The following COG8 variants were observed in gnomAD, a reference collection of about 807,000 sequenced individuals.
The protein encoded by COG8 is conserved oligomeric Golgi complex subunit 8.
In COG8, 45 loss-of-function variants were observed where a neutral mutation model predicts 46.5. That is an observed-to-expected ratio of 0.97 (90% CI 0.76 to 1.24). COG8 has a LOEUF of 1.24. COG8 is among the 50% of genes most tolerant of loss of function. COG8 has a pLI of 0.00. For missense variants in COG8, 793 were observed against 820.8 expected (o/e 0.97, Z 0.41); for synonymous variants, 407 against 347.8 (o/e 1.17, Z -1.90).
rs943174072 is a variant in COG8 at position 69,334,660 on chromosome 16, G to A, written c.1274C>T (p.Pro425Leu). ...VPATQPGTLQ[P>L]PMVLLDFPPL... The stretch of plus-strand genomic sequence containing the variant: ...TGGGAAATCTAGGAGCACCATGGGT[G>A]GCTGCAGCGTCCCCGGCTGGGTGGC... Residue 425 changes from proline (P) to leucine (L), a missense_variant, in exon 3 of 6, where the codon CCA becomes CTA. Physicochemically the swap from Pro to Leu is moderately conservative, Grantham distance 98. Coordinates refer to ENST00000306875, the MANE Select transcript of COG8 (RefSeq NM_032382.5). The A allele has an allele frequency of 4.3e-6, 7 of 1,614,236 alleles. No individual in the cohort carries two copies. In the Admixed American group the frequency reaches 6.7e-5, roughly 15 times the overall value.
rs925832083 is a variant in COG8 at position 69,339,067 on chromosome 16, C to G, written c.377+109G>C. The G allele has an allele frequency of 4.1e-6, 6 of 1,480,942 alleles. No individual in the cohort carries two copies. In the African/African-American group the frequency reaches 8.3e-5, roughly 21 times the overall value. The allele number at this position is 1,480,942 out of a possible 1,614,324, so 91.7% of individuals were successfully genotyped here. The stretch of plus-strand genomic sequence containing the variant: ...GGTTTAAATGGATTAATAAAGCGCT[C>G]AGCAGAGAACCTGGAACGTGGTAAA... On this transcript the variant is annotated intron_variant, in intron 1 of 5. Transcript: ENST00000306875.
At chr16:69,338,515 C>T (rs900834654) in intron 1 of COG8, 1 of 152,502 alleles carries the variant, frequency 6.6e-6, no homozygotes, top group Admixed American at 6.5e-5. Context: ...TCAGCTCACA[C>T]CTATAATGTT....
chr16:69,331,530 T>C (rs1387595590), intron 4 of COG8, among the ~76,000 whole-genome samples: 5 of 126,568 alleles, frequency 4.0e-5, no homozygotes, highest in Admixed American at 7.9e-5. Flanking sequence ...TTTGAGACAG[T>C]CTCGCTCTGT....
At chr16:69,334,369 G>T in intron 3 of COG8, 152 bp downstream of exon 3, 1 of 743,574 alleles carries the variant, frequency 1.3e-6, no homozygotes, top group Non-Finnish European at 2.4e-6. Context: ...AGGGCAACTG[G>T]CCAGAGCTTC....
In COG8 at chr16:69,328,928, G is replaced by C; in HGVS notation, c.*278C>G. On this transcript the variant is annotated 3_prime_UTR_variant, in exon 6 of 6. Transcript: ENST00000306875. ...CAATCCAGTTTCCTGTCATATGCGA[G>C]CCATCCAAGTTGATGCCAAGTAAGA... 1 of 1,488,006 alleles carries C rather than the reference G, an allele frequency of 6.7e-7. No homozygotes were observed. The highest frequency in any genetic ancestry group is 9.0e-7 in the Non-Finnish European group (1 of 1,110,910). 92.2% of individuals were successfully genotyped at this position (1,488,006 alleles called of 1,614,324 possible). A position where few individuals can be genotyped will look rare whatever the true frequency, so the allele number is the denominator to read the frequency against.
chr16:69,328,093 G>C lies in COG8; in HGVS notation c.*1113C>G, dbSNP rs1222853512. The C allele has an allele frequency of 2.0e-5, 3 of 152,096 alleles. No homozygotes were observed. The highest frequency in any genetic ancestry group is 4.4e-5 in the Non-Finnish European group (3 of 68,046). 9.4% of individuals were successfully genotyped at this position (152,096 alleles called of 1,614,324 possible). ...TTCACGAGTAGCTGGGATTACAGGTGCTCGCCACCACGCCCGGCTAATTTT... is the reference window on the plus strand; with the variant it reads ...TTCACGAGTAGCTGGGATTACAGGTCCTCGCCACCACGCCCGGCTAATTTT... On this transcript the variant is annotated 3_prime_UTR_variant, in exon 6 of 6. Transcript: ENST00000306875.
intron 5 of COG8, 122 bp from the exon 6 acceptor site, chr16:69,329,301 T>C: frequency 9.7e-7 from 1 of 1,029,218 alleles, no homozygotes; most frequent in South Asian, 1.9e-5. Flanking sequence ...AGATGGCAAA[T>C]GTAGACAGCA....
chr16:69,329,168 T>TA lies in COG8; in HGVS notation c.*37_*38insT. On this transcript the variant is annotated 3_prime_UTR_variant, in exon 6 of 6. Coordinates refer to ENST00000306875, the MANE Select transcript of COG8 (RefSeq NM_032382.5). ...GCCTGCCACACCACCTGTTCTCCAT[T>TA]GGGGTCCAGCCCTGCAAAGGAAGTT... 2 of 1,603,718 alleles carry TA rather than the reference T, an allele frequency of 1.2e-6. No individual in the cohort carries two copies. Among genetic ancestry groups the TA allele is most frequent in the Non-Finnish European group, 1.7e-6 (2 of 1,177,146 alleles).
rs1386802146 is a variant in COG8 at position 69,335,061 on chromosome 16, G to A, written c.873C>T (p.Ala291=). 5.0e-6 allele frequency: 8 copies of A among 1,614,204 alleles called. No homozygotes were observed. Among genetic ancestry groups the A allele is most frequent in the Non-Finnish European group, 6.8e-6 (8 of 1,180,044 alleles). ...GCAGTGGGTCCTCGTCTGAGAAGAT[G>A]GCACGGTACTGGGTGATGATATCAA... The part of the protein sequence containing the change: ...HLFDIITQYR[A]IFSDEDPLLP... The change falls in exon 3 of 6, where the codon GCC becomes GCT. Residue 291 remains alanine, a synonymous_variant. Coordinates refer to ENST00000306875, the MANE Select transcript of COG8 (RefSeq NM_032382.5).
At position 69,334,467 on chromosome 16, in the gene COG8, CA is replaced by C. The variant is rs2012069527; in HGVS notation, c.1413+53del. 6.5e-5 allele frequency: 96 copies of C among 1,486,998 alleles called. 1 individual carries two copies. The South Asian group carries it at 9.6e-4, about 15-fold the overall frequency. 92.1% of individuals were successfully genotyped at this position (1,486,998 alleles called of 1,614,324 possible). A position where few individuals can be genotyped will look rare whatever the true frequency, so the allele number is the denominator to read the frequency against. Reference sequence around the variant, plus strand: ...GACGGGTTTATTACAAAAATCTGGCCACCCATTACCAGAGAAGGCCCAGGGT... The same window carrying C: ...GACGGGTTTATTACAAAAATCTGGCCCCCATTACCAGAGAAGGCCCAGGGT... On this transcript the variant is annotated intron_variant, in intron 3 of 5. Transcript: ENST00000306875.
chr16:69,335,349 C>T lies in COG8; in HGVS notation c.586-1G>A. On this transcript the variant is annotated splice_acceptor_variant, in intron 2 of 5. Coordinates refer to ENST00000306875, the MANE Select transcript of COG8 (RefSeq NM_032382.5). LOFTEE classifies it high-confidence loss of function. ...ACTGGCGCACTTCGTTCACGATGCC[C>T]TGACAATACACAGAGAGAGTCACAC... The T allele has an allele frequency of 2.5e-6, 4 of 1,588,846 alleles. No individual in the cohort carries two copies. Among genetic ancestry groups the T allele is most frequent in the Non-Finnish European group, 3.4e-6 (4 of 1,172,718 alleles).
intron 4 of COG8, among the ~76,000 whole-genome samples, chr16:69,332,103 G>A (rs1021439178): frequency 7.9e-5 from 12 of 151,976 alleles, no homozygotes; most frequent in South Asian, 6.2e-4. Flanking sequence ...CCTGTAATCC[G>A]AGCACTTTGG....
chr16:69,334,292 C>CT (rs2012060069), intron 3 of COG8, among the ~76,000 whole-genome samples: 1 of 152,200 alleles, frequency 6.6e-6, no homozygotes, highest in South Asian at 2.1e-4. Flanking sequence ...CACTAGAAAG[C>CT]TAATACGTGT....
chr16:69,326,869 T>C lies in COG8; in HGVS notation c.*2337A>G, dbSNP rs1178389958. The stretch of plus-strand genomic sequence containing the variant: ...CAACGTTGACATGTATATGCGTTTT[T>C]TGTGAGTGCTTCCTGCTCAAAGTGG... On this transcript the variant is annotated 3_prime_UTR_variant, in exon 6 of 6. Transcript: ENST00000306875. The C allele has an allele frequency of 6.6e-6, 1 of 152,216 alleles. No homozygotes were observed. The highest frequency in any genetic ancestry group is 2.4e-5 in the African/African-American group (1 of 41,454). The allele number at this position is 152,216 out of a possible 1,614,324, so 9.4% of individuals were successfully genotyped here. A position where few individuals can be genotyped will look rare whatever the true frequency, so the allele number is the denominator to read the frequency against.
chr16:69,326,726 G>T lies in COG8; in HGVS notation c.*2480C>A, dbSNP rs935545815. 4.6e-5 allele frequency: 7 copies of T among 152,220 alleles called. No individual in the cohort carries two copies. The highest frequency in any genetic ancestry group is 1.7e-4 in the African/African-American group (7 of 41,442). 9.4% of individuals were successfully genotyped at this position (152,220 alleles called of 1,614,324 possible). A position where few individuals can be genotyped will look rare whatever the true frequency, so the allele number is the denominator to read the frequency against. ...GTTAAACATGCTGACATGTGCAGAG[G>T]AGTTTCCTCCCTGAAATGCTCTGAA... On this transcript the variant is annotated 3_prime_UTR_variant, in exon 6 of 6. Coordinates refer to ENST00000306875, the MANE Select transcript of COG8 (RefSeq NM_032382.5).
intron 4 of COG8, among the ~76,000 whole-genome samples, chr16:69,332,128 C>T (rs1444514343): frequency 6.6e-6 from 1 of 151,970 alleles, no homozygotes; most frequent in East Asian, 1.9e-4. Flanking sequence ...CCGAGGTGGG[C>T]GGATCACAGG....
At chr16:69,337,831 G>A (rs550474466) in intron 1 of COG8, among the ~76,000 whole-genome samples, 250 of 152,068 alleles carry the variant, frequency 1.6e-3, no homozygotes, top group Non-Finnish European at 2.8e-3. Flanking sequence ...CGCTTCTCAG[G>A]TTCAAGTAAT....
rs749346588 is a variant in COG8, at chr16:69,328,994, C to T, written c.*212G>A. ...GTGAAAGTGTTTGCGTCTTGGTATC[C>T]GGAATCCTCAGCCCCAGTAGCAAAG... On this transcript the variant is annotated 3_prime_UTR_variant, in exon 6 of 6. Coordinates refer to ENST00000306875, the MANE Select transcript of COG8 (RefSeq NM_032382.5). 9.4e-6 allele frequency: 15 copies of T among 1,590,922 alleles called. No individual in the cohort carries two copies. The highest frequency in any genetic ancestry group is 2.3e-5 in the South Asian group (2 of 87,802).
chr16:69,331,220 G>GCC, intron 4 of COG8, 125 bp from the exon 5 acceptor site: 2 of 967,248 alleles, frequency 2.1e-6, no homozygotes, highest in South Asian at 2.8e-5. Context: ...GGCCGGGGAG[G>GCC]GGGGGGCGGA....
Sources: gnomAD v4.1 joint callset for allele counts (sites outside exome capture counted in the v4.1 genomes callset) on GRCh38, gnomAD v4.1.1 for gene constraint, MANE v1.5 for transcripts, NCBI Gene and HGNC (gene_info 2026-07-23, HGNC 2026-07-21) for gene names.